Variants in PRELID2 observed in about 807,000 individuals in gnomAD.
PRELID2 encodes PRELI domain-containing protein 2.
Under a neutral mutation model 28.4 loss-of-function variants are expected in PRELID2, and 25 were observed. That is an observed-to-expected ratio of 0.88 (90% confidence interval 0.64 to 1.23). The LOEUF is 1.23. PRELID2 is among the 50% of genes most tolerant of loss of function. The probability of loss-of-function intolerance (pLI) is 0.00; values close to 1 mark genes in which losing one functional copy is unlikely to be tolerated. For missense variants in PRELID2, 201 were observed against 214.4 expected, an observed-to-expected ratio of 0.94 and a Z score of 0.39; for synonymous variants, 76 against 71.6, an observed-to-expected ratio of 1.06 and a Z score of -0.31.
At chr5:145,264,286 A>G in the PRELID2 span, among the ~76,000 whole-genome samples, 2 of 152,324 alleles carry the variant, frequency 1.3e-5, no homozygotes, top group Admixed American at 6.5e-5. Flanking sequence ...TCAAAACGAT[A>G]ATCTACCATG....
At chr5:145,597,115 A>G (rs1182369814) in intron 1 of PRELID2, among the ~76,000 whole-genome samples, 1 of 152,232 alleles carries the variant, frequency 6.6e-6, no homozygotes, top group African/African-American at 2.4e-5. Flanking sequence ...AAATATTGAT[A>G]TGAAAATTAA....
intron 1 of PRELID2, among the ~76,000 whole-genome samples, chr5:145,506,851 C>A (rs1217972716): frequency 1.3e-5 from 2 of 152,210 alleles, no homozygotes; most frequent in Non-Finnish European, 2.9e-5. Context: ...TTCAATGCCA[C>A]CTCCTCAGAG....
intron 1 of PRELID2, among the ~76,000 whole-genome samples, chr5:145,677,620 T>G (rs1754846100): frequency 6.6e-6 from 1 of 152,218 alleles, no homozygotes; most frequent in African/African-American, 2.4e-5. Flanking sequence ...CTGGGTGACA[T>G]ATTCATCTAA....
At chr5:145,743,874 G>T (rs754707308) in intron 1 of PRELID2, among the ~76,000 whole-genome samples, 10 of 152,232 alleles carry the variant, frequency 6.6e-5, no homozygotes, top group Non-Finnish European at 1.2e-4. Context: ...GAGCTCCTTG[G>T]GGGAGGAGCA....
intron 1 of PRELID2, among the ~76,000 whole-genome samples, chr5:145,542,012 G>A (rs1320422901): frequency 6.6e-6 from 1 of 152,002 alleles, no homozygotes; most frequent in Non-Finnish European, 1.5e-5. Context: ...TGGGGTTTGG[G>A]GGAAATTAAT....
At chr5:145,805,799 G>A (rs1344942670) in intron 4 of PRELID2, among the ~76,000 whole-genome samples, 1 of 152,140 alleles carries the variant, frequency 6.6e-6, no homozygotes, top group Non-Finnish European at 1.5e-5. Flanking sequence ...ATAGCCTATT[G>A]TTCCTAGACT....
chr5:145,672,773 G>A (rs1175726356), intron 1 of PRELID2, among the ~76,000 whole-genome samples: 4 of 152,028 alleles, frequency 2.6e-5, no homozygotes, highest in East Asian at 1.9e-4. Flanking sequence ...CAGAAAATGC[G>A]ACCCATCACC....
chr5:145,742,236 T>C (rs1215278886), intron 1 of PRELID2, among the ~76,000 whole-genome samples: 1 of 139,856 alleles, frequency 7.2e-6, no homozygotes, highest in Non-Finnish European at 1.5e-5. Flanking sequence ...ATAAATAAAA[T>C]ATATTTTTAT....
downstream of PRELID2, among the ~76,000 whole-genome samples, chr5:145,754,641 T>A (rs1229328794): frequency 6.6e-6 from 1 of 152,162 alleles, no homozygotes; most frequent in Non-Finnish European, 1.5e-5. Context: ...CAGAACAACA[T>A]AAATTTTGCT....
the PRELID2 span, among the ~76,000 whole-genome samples, chr5:145,253,849 A>AC: frequency 2.6e-5 from 4 of 151,324 alleles, no homozygotes; most frequent in South Asian, 8.4e-4. Flanking sequence ...AAAAAAAACA[A>AC]AAAAAAAATC....
the PRELID2 span, among the ~76,000 whole-genome samples, chr5:145,291,369 G>T: frequency 6.8e-6 from 1 of 146,804 alleles, no homozygotes; most frequent in Non-Finnish European, 1.5e-5. Context: ...AAAGGAGAGG[G>T]GTATTTGGAT....
chr5:145,340,846 G>A, the PRELID2 span, among the ~76,000 whole-genome samples: 2 of 147,800 alleles, frequency 1.4e-5, no homozygotes, highest in African/African-American at 2.5e-5. Flanking sequence ...GCTGCTCTGG[G>A]GCCCAAGAAC....
intron 1 of PRELID2, among the ~76,000 whole-genome samples, chr5:145,578,677 G>A (rs1753082908): frequency 6.6e-6 from 1 of 152,024 alleles, no homozygotes; most frequent in Non-Finnish European, 1.5e-5. Flanking sequence ...ACGTTCTAAT[G>A]CTTCATACTA....
rs185906220 is a variant in PRELID2 at position 145,797,217 on chromosome 5, A to G, written c.369-670T>C. Among the ~76,000 whole-genome samples, 422 of 152,280 alleles carry G rather than the reference A, an allele frequency of 2.8e-3. 4 individuals carry two copies. The highest frequency in any genetic ancestry group is 6.8e-3 in the Middle Eastern group (2 of 294). ...GCTGAATAGGAAGTCCCAAGCCTTC[A>G]TTACCCTGAGAGACAATGACTTAAG... On this transcript the variant is annotated intron_variant, in intron 4 of 6. Transcript: ENST00000683046.
chr5:145,563,935 A>G (rs796411445), intron 1 of PRELID2, among the ~76,000 whole-genome samples: 19 of 152,358 alleles, frequency 1.2e-4, no homozygotes, highest in African/African-American at 4.6e-4. Context: ...CTCTCACCAA[A>G]AAAAGTAACT....
intron 1 of PRELID2, among the ~76,000 whole-genome samples, chr5:145,694,348 T>C (rs1190720176): frequency 6.6e-6 from 1 of 152,204 alleles, no homozygotes; most frequent in Non-Finnish European, 1.5e-5. Context: ...GGGCAGTCTT[T>C]ATGTTTATTT....
At chr5:145,802,534 T>C (rs1035898610) in intron 4 of PRELID2, among the ~76,000 whole-genome samples, 6 of 152,154 alleles carry the variant, frequency 3.9e-5, no homozygotes. Context: ...GCAAGAAATA[T>C]ATAATACATC....
chr5:145,533,026 G>C (rs1410001986), intron 1 of PRELID2, among the ~76,000 whole-genome samples: 2 of 152,048 alleles, frequency 1.3e-5, no homozygotes, highest in Non-Finnish European at 2.9e-5. Context: ...TTAATTGTTT[G>C]AGAGACCTCC....
At chr5:145,412,709 T>C in the PRELID2 span, among the ~76,000 whole-genome samples, 2 of 152,188 alleles carry the variant, frequency 1.3e-5, no homozygotes, top group Non-Finnish European at 2.9e-5. Context: ...CCACTCCTGG[T>C]ACCAATTTAC....
Sources: allele counts gnomAD v4.1 joint callset (sites outside exome capture counted in the v4.1 genomes callset), GRCh38; gene constraint gnomAD v4.1.1; transcripts MANE v1.5; gene names NCBI Gene and HGNC (gene_info 2026-07-23, HGNC 2026-07-21).